Variants in CEP128 observed in about 807,000 individuals in gnomAD.
The protein encoded by CEP128 is centrosomal protein 128, also known as centrosomal protein 128kDa.
A neutral mutation model predicts 156.7 loss-of-function variants in CEP128; 132 were observed. The ratio of observed to expected loss-of-function variants is 0.84; its 90% CI spans 0.73 to 0.97. The LOEUF (loss-of-function observed/expected upper bound fraction) is 0.97. Among genes scored for constraint, CEP128 ranks in the 50% least tolerant of loss-of-function variants. CEP128 has a pLI of 0.00. For synonymous variants in CEP128, 469 were observed against 448.9 expected, an observed-to-expected ratio of 1.04 and a Z score of -0.57; for missense variants, 1,252 against 1,281.9, an observed-to-expected ratio of 0.98 and a Z score of 0.36.
intron 19 of CEP128, among the ~76,000 whole-genome samples, chr14:80,647,084 T>G (rs796331125): frequency 1.6e-5 from 1 of 63,038 alleles, no homozygotes; most frequent in Admixed American, 2.1e-4. Context: ...TATATATATA[T>G]ATACACCCTT....
chr14:80,822,632 C>T, intron 13 of CEP128: 1 of 736,324 alleles, frequency 1.4e-6, no homozygotes, highest in South Asian at 1.3e-5. Flanking sequence ...TCCTCCAAAG[C>T]CAGAACCCAA....
chr14:80,821,159 T>C (rs771536404), intron 13 of CEP128, among the ~76,000 whole-genome samples: 4 of 152,208 alleles, frequency 2.6e-5, no homozygotes, highest in Non-Finnish European at 5.9e-5. Flanking sequence ...TTGTTACTGT[T>C]TAAGGCTGAG....
chr14:80,708,501 A>C (rs1897298070), intron 19 of CEP128, among the ~76,000 whole-genome samples: 1 of 151,488 alleles, frequency 6.6e-6, no homozygotes, highest in Non-Finnish European at 1.5e-5. Flanking sequence ...TCCATTTTTT[A>C]TTTTATTATT....
chr14:80,909,365 G>A (rs1319801988), intron 4 of CEP128, among the ~76,000 whole-genome samples: 1 of 102,778 alleles, frequency 9.7e-6, no homozygotes, highest in Non-Finnish European at 1.9e-5. Flanking sequence ...GAAATAAAGT[G>A]AATTTTCACA....
intron 20 of CEP128, among the ~76,000 whole-genome samples, chr14:80,572,476 CAT>C (rs1479192500): frequency 6.6e-6 from 1 of 152,074 alleles, no homozygotes; most frequent in Non-Finnish European, 1.5e-5. Context: ...AATGGATTAA[CAT>C]AGATATTTGC....
At chr14:80,521,424 C>T (rs974378819) in intron 23 of CEP128, among the ~76,000 whole-genome samples, 5 of 152,040 alleles carry the variant, frequency 3.3e-5, no homozygotes, top group Non-Finnish European at 7.4e-5. Context: ...TTATACTCAT[C>T]GAAGTACCCA....
At chr14:80,571,417 A>T (rs1258643050) in intron 20 of CEP128, among the ~76,000 whole-genome samples, 2 of 152,242 alleles carry the variant, frequency 1.3e-5, no homozygotes, top group Non-Finnish European at 2.9e-5. Flanking sequence ...CAGACATTAC[A>T]TGTTATTTAT....
chr14:80,823,560 T>G lies in CEP128; in HGVS notation c.1209+7583A>C, dbSNP rs898088234. ...CATGTCCTGCCTGAAATACCATGATTGTTTATGGAAAGTATCTTTAATAAA... is the reference window on the plus strand; with the variant it reads ...CATGTCCTGCCTGAAATACCATGATGGTTTATGGAAAGTATCTTTAATAAA... On this transcript the variant is annotated intron_variant, in intron 13 of 24. Transcript: ENST00000555265. Among the ~76,000 whole-genome samples, 5 of 151,994 alleles carry G rather than the reference T, an allele frequency of 3.3e-5. No homozygotes were observed. The East Asian group carries it at 9.7e-4, about 29-fold the overall frequency.
At chr14:80,530,970 C>T (rs1889199344) in intron 21 of CEP128, 84 bp from the exon 22 acceptor site, 4 of 766,634 alleles carry the variant, frequency 5.2e-6, no homozygotes, top group Non-Finnish European at 8.6e-6. Flanking sequence ...ATCAGATGCA[C>T]CACTGTAAGA....
rs1334523618 is a variant in CEP128, at chr14:80,958,647, GA to G, written c.-279-363del. 3.9e-5 allele frequency among the ~76,000 whole-genome samples: 6 copies of G among 152,246 alleles called. No homozygotes were observed. The South Asian group carries it at 1.2e-3, about 32-fold the overall frequency. On this transcript the variant is annotated intron_variant, in intron 1 of 7. Transcript: ENST00000555529. ...AGACTAAGTTAGTCTTTCTTGACAA[GA>G]AAATCTAGATCTTTTTTTACATCTT... is the stretch of plus-strand genomic sequence containing the variant.
chr14:80,599,622 A>G (rs913712151), intron 19 of CEP128, among the ~76,000 whole-genome samples: 1 of 152,042 alleles, frequency 6.6e-6, no homozygotes, highest in African/African-American at 2.4e-5. Context: ...ATATTTCTAA[A>G]GCAAAGTATA....
At chr14:80,765,863 T>A (rs984280781) in intron 16 of CEP128, among the ~76,000 whole-genome samples, 1 of 152,220 alleles carries the variant, frequency 6.6e-6, no homozygotes, top group African/African-American at 2.4e-5. Context: ...ATCCCCTGAC[T>A]AGTCTTCTCT....
At chr14:80,541,464 AACC>A (rs1889759209) in intron 21 of CEP128, among the ~76,000 whole-genome samples, 1 of 148,242 alleles carries the variant, frequency 6.7e-6, no homozygotes, top group African/African-American at 2.6e-5. Flanking sequence ...AAAAAAAAAA[AACC>A]AGGAAAAAAG....
At chr14:80,946,866 T>C (rs1010079264) in intron 2 of CEP128, among the ~76,000 whole-genome samples, 1 of 152,192 alleles carries the variant, frequency 6.6e-6, no homozygotes, top group Non-Finnish European at 1.5e-5. Flanking sequence ...GGGTGGGACG[T>C]GGTGGGAGGT....
At chr14:80,769,463 G>A (rs574053953) in intron 16 of CEP128, among the ~76,000 whole-genome samples, 12 of 151,924 alleles carry the variant, frequency 7.9e-5, no homozygotes, top group South Asian at 2.1e-4. Flanking sequence ...GGTGTGTGAC[G>A]TTCCCATTGT....
chr14:80,880,902 A>AATT (rs1289725840), intron 8 of CEP128, among the ~76,000 whole-genome samples: 1 of 136,410 alleles, frequency 7.3e-6, no homozygotes, highest in East Asian at 2.3e-4. Flanking sequence ...TAATAATAAT[A>AATT]ATAATAATTT....
At chr14:80,481,677 T>C (rs1887056699) in intron 14 of CEP128, among the ~76,000 whole-genome samples, 2 of 152,220 alleles carry the variant, frequency 1.3e-5, no homozygotes, top group Admixed American at 6.5e-5. Flanking sequence ...GAGAGGTGAA[T>C]GGCAGGCTCA....
intron 19 of CEP128, among the ~76,000 whole-genome samples, chr14:80,624,153 CAT>C (rs1893608336): frequency 6.6e-6 from 1 of 152,126 alleles, no homozygotes; most frequent in South Asian, 2.1e-4. Context: ...TTAGTTCTCA[CAT>C]ATGAGTGAGA....
intron 19 of CEP128, among the ~76,000 whole-genome samples, chr14:80,660,233 G>A (rs1895341769): frequency 6.6e-6 from 1 of 152,162 alleles, no homozygotes. Context: ...TAACAGGACA[G>A]AGCTCACTGC....
Sources: allele counts gnomAD v4.1 joint callset (sites outside exome capture counted in the v4.1 genomes callset), GRCh38; gene constraint gnomAD v4.1.1; transcripts MANE v1.5; gene names NCBI Gene and HGNC (gene_info 2026-07-23, HGNC 2026-07-21).